PHLDB2: variants seen among roughly 807,000 people sequenced by gnomAD.
The protein encoded by PHLDB2 is pleckstrin homology-like domain family B member 2.
Under a neutral mutation model 123.6 loss-of-function variants are expected in PHLDB2, and 71 were observed. The observed-to-expected ratio is 0.57, with a 90% CI of 0.47 to 0.70. The LOEUF (loss-of-function observed/expected upper bound fraction) is 0.70, where lower values mean the gene tolerates loss of function less well. PHLDB2 is among the 30% of genes least tolerant of loss of function. The pLI, the probability that PHLDB2 is intolerant of heterozygous loss-of-function variation, is 0.00. For synonymous variants in PHLDB2, 547 were observed against 541.6 expected (o/e 1.01, Z -0.14); for missense variants, 1,446 against 1,519.5 (o/e 0.95, Z 0.80).
chr3:111,853,641 C>T (rs565057740), intron 2 of PHLDB2, among the ~76,000 whole-genome samples: 155 of 152,144 alleles, frequency 1.0e-3, no homozygotes, highest in African/African-American at 3.4e-3. Flanking sequence ...TTTGGAAGGC[C>T]GAGGTGGGTG....
rs555149127 is a variant in PHLDB2 at position 111,959,979 on chromosome 3, A to C, written c.2873-2129A>C. Among the ~76,000 whole-genome samples the C allele has an allele frequency of 1.2e-4, 19 of 152,362 alleles. No homozygotes were observed. The South Asian group carries it at 2.9e-3, about 23-fold the overall frequency. ...GCTGTCCTTTAGGGATTTGTTTTTC[A>C]TACTACAAGGAAATATCGTCCATGT... On this transcript the variant is annotated intron_variant, in intron 12 of 17. Transcript: ENST00000431670.
chr3:111,747,753 G>GCAT (rs1342066190), intron 1 of PHLDB2, among the ~76,000 whole-genome samples: 1 of 152,206 alleles, frequency 6.6e-6, no homozygotes, highest in African/African-American at 2.4e-5. Context: ...TCTGACTCAT[G>GCAT]CATCAATACC....
In PHLDB2 at chr3:111,969,909, G is replaced by C; in HGVS notation, c.3535G>C (p.Asp1179His). 1 of 1,613,504 alleles carries C rather than the reference G, an allele frequency of 6.2e-7. No individual in the cohort carries two copies. The highest frequency in any genetic ancestry group is 8.5e-7 in the Non-Finnish European group (1 of 1,179,532). ...RNKRTFSYYA[D>H]KHETKLKGVI... ...CAAGCGAACATTCTCTTATTATGCA[G>C]GTGGGTGATAAAAACAATTTAAGCC... Residue 1179 changes from aspartate to histidine, a missense_variant and splice_region_variant, in exon 16 of 18, where the codon GAC becomes CAC. By Grantham distance (81) the Asp-to-His change is moderately conservative. Transcript: ENST00000431670.
chr3:111,878,066 T>C (rs1316589946), intron 1 of PHLDB2, among the ~76,000 whole-genome samples: 1 of 152,200 alleles, frequency 6.6e-6, no homozygotes, highest in Non-Finnish European at 1.5e-5. Context: ...AAATTTAAAG[T>C]AGTTTTTTCC....
intron 1 of PHLDB2, among the ~76,000 whole-genome samples, chr3:111,821,492 C>G (rs542610541): frequency 6.6e-6 from 1 of 152,080 alleles, no homozygotes; most frequent in Non-Finnish European, 1.5e-5. Context: ...TGCTGTAGCT[C>G]GAGGCCAAAG....
At chr3:111,789,050 G>A (rs991217427) in intron 1 of PHLDB2, among the ~76,000 whole-genome samples, 17 of 152,186 alleles carry the variant, frequency 1.1e-4, no homozygotes, top group African/African-American at 3.9e-4. Flanking sequence ...ATATTGGTGA[G>A]AAAGGAATGC....
intron 2 of PHLDB2, among the ~76,000 whole-genome samples, chr3:111,849,417 C>A (rs1472801616): frequency 6.6e-6 from 1 of 152,138 alleles, no homozygotes; most frequent in Non-Finnish European, 1.5e-5. Flanking sequence ...ATGATCCTTC[C>A]ACCTTGGCCT....
intron 1 of PHLDB2, among the ~76,000 whole-genome samples, chr3:111,876,844 G>A (rs997156945): frequency 1.8e-4 from 27 of 152,116 alleles, no homozygotes; most frequent in Admixed American, 3.3e-4. Flanking sequence ...TCTTGTGTTA[G>A]TTTGCTGAGA....
At chr3:111,941,384 C>G (rs2069874593) in intron 8 of PHLDB2, among the ~76,000 whole-genome samples, 2 of 152,214 alleles carry the variant, frequency 1.3e-5, no homozygotes, top group African/African-American at 4.8e-5. Flanking sequence ...CAATATGACA[C>G]TTGGGACCAT....
At chr3:111,971,084 C>T (rs1211364629) in intron 16 of PHLDB2, among the ~76,000 whole-genome samples, 1 of 152,154 alleles carries the variant, frequency 6.6e-6, no homozygotes, top group African/African-American at 2.4e-5. Context: ...GTCCTAGGTC[C>T]CCTGCTTTGC....
At chr3:111,921,024 A>G (rs550413382) in intron 5 of PHLDB2, among the ~76,000 whole-genome samples, 1 of 152,324 alleles carries the variant, frequency 6.6e-6, no homozygotes, top group South Asian at 2.1e-4. Context: ...CACAGTTGAC[A>G]CTTATCTTGG....
chr3:111,969,952 AC>A, intron 16 of PHLDB2, 43 bp downstream of exon 16: 1 of 1,581,696 alleles, frequency 6.3e-7, no homozygotes, highest in Admixed American at 1.7e-5. Context: ...CAAATCAAGA[AC>A]CCCCTGTTAA....
At chr3:111,928,903 T>C (rs928465094) in intron 5 of PHLDB2, among the ~76,000 whole-genome samples, 17 of 152,220 alleles carry the variant, frequency 1.1e-4, no homozygotes, top group African/African-American at 3.9e-4. Flanking sequence ...TGGATTTTCC[T>C]GGAGTGTTCC....
intron 8 of PHLDB2, among the ~76,000 whole-genome samples, chr3:111,942,468 G>A (rs1344518679): frequency 6.6e-6 from 1 of 152,210 alleles, no homozygotes; most frequent in African/African-American, 2.4e-5. Flanking sequence ...TACCTGGAGT[G>A]GTGAAAATTT....
At chr3:111,859,743 G>T in intron 1 of PHLDB2, 167 bp downstream of exon 1, 1 of 985,496 alleles carries the variant, frequency 1.0e-6, no homozygotes, top group African/African-American at 1.7e-5. Flanking sequence ...GGCCGAGGAG[G>T]GGCGCGCTGA....
intron 1 of PHLDB2, among the ~76,000 whole-genome samples, chr3:111,820,553 G>A (rs2062322260): frequency 6.6e-6 from 1 of 152,142 alleles, no homozygotes; most frequent in Non-Finnish European, 1.5e-5. Flanking sequence ...TATGTGTTGT[G>A]TCTCACACTA....
chr3:111,948,296 C>T (rs2070455352), intron 9 of PHLDB2, among the ~76,000 whole-genome samples: 1 of 151,958 alleles, frequency 6.6e-6, no homozygotes, highest in South Asian at 2.1e-4. Flanking sequence ...TGCATGCACA[C>T]ATTTGTTTTG....
At chr3:111,960,227 GCAGCTTCACGCATGTGACTATAC>G (rs1401898962) in intron 12 of PHLDB2, 1 of 579,828 alleles carries the variant, frequency 1.7e-6, no homozygotes, top group Admixed American at 6.4e-5. Flanking sequence ...AAAAAAAGAC[GCAGCTTCACGCATGTGACTATAC>G]CAGCTTCATT....
chr3:111,771,423 C>T (rs376621801), intron 1 of PHLDB2, among the ~76,000 whole-genome samples: 2 of 151,448 alleles, frequency 1.3e-5, no homozygotes, highest in Non-Finnish European at 2.9e-5. Flanking sequence ...CATCTCGGTT[C>T]ACTGCAACCT....
Sources: allele counts gnomAD v4.1 joint callset (sites outside exome capture counted in the v4.1 genomes callset), GRCh38; gene constraint gnomAD v4.1.1; transcripts MANE v1.5; gene names NCBI Gene and HGNC (gene_info 2026-07-23, HGNC 2026-07-21).